The following C1QTNF2 variants were observed in gnomAD, a reference collection of about 807,000 sequenced individuals.
C1QTNF2 encodes C1q and TNF related 2.
A neutral mutation model predicts 17.4 loss-of-function variants in C1QTNF2; 15 were observed. That is an observed-to-expected ratio of 0.86 (90% CI 0.58 to 1.33). The LOEUF is 1.33. Ranked by LOEUF, C1QTNF2 falls within the 40% of genes most tolerant of loss-of-function variation. The probability of loss-of-function intolerance (pLI) is 0.00; values close to 1 mark genes in which losing one functional copy is unlikely to be tolerated. For synonymous variants in C1QTNF2, 154 were observed against 163.3 expected (o/e 0.94, Z 0.44); for missense variants, 381 against 392.3 (o/e 0.97, Z 0.24).
At position 160,354,629 on chromosome 5, in the gene C1QTNF2, TATATAG is replaced by T. The variant is rs1561822992; in HGVS notation, c.244+133_244+138del. 2.6e-3 allele frequency: 859 copies of T among 336,110 alleles called. 22 individuals are homozygous for T. The highest frequency in any genetic ancestry group is 0.021 in the African/African-American group (814 of 39,324). 20.8% of individuals were successfully genotyped at this position (336,110 alleles called of 1,614,324 possible). ...ATATATATATATATATATATATATA[TATATAG>T]ATTTATAAGTAAATAGTAATTTGAT... On this transcript the variant is annotated intron_variant, in intron 2 of 2. Transcript: ENST00000652664.
chr5:160,354,760 C>T lies in C1QTNF2; in HGVS notation c.244+8G>A, dbSNP rs1764009035. 6.2e-7 allele frequency: 1 copy of T among 1,613,584 alleles called. No homozygotes were observed. Among genetic ancestry groups the T allele is most frequent in the Non-Finnish European group, 8.5e-7 (1 of 1,179,900 alleles). ...TGGGAACGAGAGTGGCACGTATAGGCCTCTTACCTTCCTCTCCGCTGTCCC... is the reference window on the plus strand; with the variant it reads ...TGGGAACGAGAGTGGCACGTATAGGTCTCTTACCTTCCTCTCCGCTGTCCC... On this transcript the variant is annotated splice_region_variant and intron_variant, in intron 2 of 2. Coordinates refer to ENST00000652664, the MANE Select transcript of C1QTNF2 (RefSeq NM_031908.6).
intron 1 of C1QTNF2, among the ~76,000 whole-genome samples, chr5:160,366,754 C>T (rs1468739639): frequency 6.6e-6 from 1 of 152,018 alleles, no homozygotes; most frequent in African/African-American, 2.4e-5. Flanking sequence ...CTGAGTGCGG[C>T]GGCTCACACC....
At chr5:160,358,722 A>G (rs983726026) in intron 1 of C1QTNF2, among the ~76,000 whole-genome samples, 1 of 152,184 alleles carries the variant, frequency 6.6e-6, no homozygotes, top group Admixed American at 6.5e-5. Flanking sequence ...AGATGGGGAA[A>G]CCAAGGCAGA....
At chr5:160,366,852 C>CAA (rs1189819968) in intron 1 of C1QTNF2, among the ~76,000 whole-genome samples, 12,169 of 151,826 alleles carry the variant, frequency 0.08, 595 homozygotes, top group Middle Eastern at 0.24. Flanking sequence ...GGCAAAACCT[C>CAA]ATCTCTACAA....
intron 2 of C1QTNF2, among the ~76,000 whole-genome samples, chr5:160,351,335 T>G (rs1763918541): frequency 6.6e-6 from 1 of 152,248 alleles, no homozygotes; most frequent in Non-Finnish European, 1.5e-5. Flanking sequence ...TTGAGTTCAC[T>G]CGACACAAGG....
intron 1 of C1QTNF2, among the ~76,000 whole-genome samples, chr5:160,368,286 C>T (rs765869171): frequency 3.9e-5 from 6 of 152,142 alleles, no homozygotes; most frequent in Non-Finnish European, 5.9e-5. Context: ...GTAATCCCAG[C>T]GCTTTGGGAG....
At chr5:160,358,223 C>T (rs865997701) in intron 1 of C1QTNF2, among the ~76,000 whole-genome samples, 2 of 152,120 alleles carry the variant, frequency 1.3e-5, no homozygotes, top group Non-Finnish European at 2.9e-5. Flanking sequence ...GAAATAAAGG[C>T]GGGGAGACTA....
Position 160,348,131 on chromosome 5 carries a change from CG to C in C1QTNF2, c.*1036del. ...ACTGGCAACACCTGTGCTTGGGGTGCGATTCATTTGCGTGGGATCCATTCCT... is the reference window on the plus strand; with the variant it reads ...ACTGGCAACACCTGTGCTTGGGGTGCATTCATTTGCGTGGGATCCATTCCT... On this transcript the variant is annotated 3_prime_UTR_variant, in exon 3 of 3. Transcript: ENST00000652664. 1 of 152,170 alleles carries C rather than the reference CG, an allele frequency of 6.6e-6. No homozygotes were observed. Among genetic ancestry groups the C allele is most frequent in the Non-Finnish European group, 1.5e-5 (1 of 68,042 alleles). 9.4% of individuals were successfully genotyped at this position (152,170 alleles called of 1,614,324 possible). A position where few individuals can be genotyped will look rare whatever the true frequency, so the allele number is the denominator to read the frequency against.
chr5:160,350,720 A>G (rs1763901906), intron 2 of C1QTNF2, among the ~76,000 whole-genome samples: 1 of 152,090 alleles, frequency 6.6e-6, no homozygotes, highest in Non-Finnish European at 1.5e-5. Context: ...AAAAATTAGA[A>G]AAACAAAAGG....
chr5:160,351,653 AC>A (rs1178442240), intron 2 of C1QTNF2, among the ~76,000 whole-genome samples: 1 of 152,176 alleles, frequency 6.6e-6, no homozygotes, highest in Non-Finnish European at 1.5e-5. Context: ...TACATACCTA[AC>A]CAATTAATAG....
chr5:160,367,612 A>C (rs1224778789), intron 1 of C1QTNF2, among the ~76,000 whole-genome samples: 2 of 152,196 alleles, frequency 1.3e-5, no homozygotes, highest in Non-Finnish European at 2.9e-5. Context: ...GACTCAGAAG[A>C]AACCAACACT....
At chr5:160,365,443 G>A (rs1045520149) in intron 1 of C1QTNF2, among the ~76,000 whole-genome samples, 2 of 152,178 alleles carry the variant, frequency 1.3e-5, no homozygotes, top group Admixed American at 6.5e-5. Flanking sequence ...CGGGCACAAT[G>A]TCTCACATCT....
At chr5:160,359,984 A>C (rs1212632755) in intron 1 of C1QTNF2, among the ~76,000 whole-genome samples, 1 of 141,214 alleles carries the variant, frequency 7.1e-6, no homozygotes, top group African/African-American at 2.7e-5. Context: ...AGCTCCATTC[A>C]GCCCCAAGGC....
chr5:160,360,984 C>T (rs113058891), intron 1 of C1QTNF2, among the ~76,000 whole-genome samples: 2,912 of 151,844 alleles, frequency 0.019, 86 homozygotes, highest in African/African-American at 0.066. Flanking sequence ...TTAGTAGAGA[C>T]GGGGTTTCAT....
intron 1 of C1QTNF2, among the ~76,000 whole-genome samples, chr5:160,358,928 G>A (rs927237515): frequency 1.3e-5 from 2 of 151,956 alleles, no homozygotes; most frequent in Non-Finnish European, 1.5e-5. Flanking sequence ...CTATAGGAGC[G>A]TGCCACCATG....
intron 1 of C1QTNF2, 117 bp downstream of exon 1, chr5:160,370,395 C>T: frequency 7.8e-7 from 1 of 1,279,914 alleles, no homozygotes; most frequent in Non-Finnish European, 1.0e-6. Context: ...AATAAAGGCG[C>T]GCTGGCAGCT....
At chr5:160,354,552 C>G (rs1201907287) in intron 2 of C1QTNF2, among the ~76,000 whole-genome samples, 1 of 140,360 alleles carries the variant, frequency 7.1e-6, no homozygotes, top group African/African-American at 2.7e-5. Flanking sequence ...GCACACCAGC[C>G]TGGGCGACAG....
chr5:160,350,912 G>A (rs1481084930), intron 2 of C1QTNF2, among the ~76,000 whole-genome samples: 2 of 152,006 alleles, frequency 1.3e-5, no homozygotes, highest in African/African-American at 2.4e-5. Flanking sequence ...CACCACGCCC[G>A]GCTAATTTTT....
chr5:160,358,917 A>G (rs1764100049), intron 1 of C1QTNF2, among the ~76,000 whole-genome samples: 1 of 151,916 alleles, frequency 6.6e-6, no homozygotes, highest in Non-Finnish European at 1.5e-5. Context: ...AGAAGCTGGG[A>G]CTATAGGAGC....
Sources: gnomAD v4.1 joint callset for allele counts (sites outside exome capture counted in the v4.1 genomes callset) on GRCh38, gnomAD v4.1.1 for gene constraint, MANE v1.5 for transcripts, NCBI Gene and HGNC (gene_info 2026-07-23, HGNC 2026-07-21) for gene names.